The following STK32B variants were observed in gnomAD, a reference collection of about 807,000 sequenced individuals.
STK32B encodes serine/threonine kinase 32B.
Under a neutral mutation model 52.6 loss-of-function variants are expected in STK32B, and 43 were observed. The ratio of observed to expected loss-of-function variants is 0.82; its 90% confidence interval spans 0.64 to 1.05. The LOEUF (loss-of-function observed/expected upper bound fraction) is 1.05, where lower values mean the gene tolerates loss of function less well. Ranked by LOEUF, STK32B falls within the 50% of genes least tolerant of loss-of-function variation. The pLI is 0.00. For missense variants in STK32B, 621 were observed against 534.6 expected (o/e 1.16, Z -1.59); for synonymous variants, 238 against 204.3 (o/e 1.17, Z -1.41).
chr4:5,449,324 G>C (rs1300107935), intron 7 of STK32B, among the ~76,000 whole-genome samples: 1 of 152,182 alleles, frequency 6.6e-6, no homozygotes, highest in Non-Finnish European at 1.5e-5. Flanking sequence ...GCCTGGGTGT[G>C]ACAGAGCAAG....
At chr4:5,413,645 A>T (rs988583632) in intron 5 of STK32B, among the ~76,000 whole-genome samples, 8 of 152,246 alleles carry the variant, frequency 5.3e-5, no homozygotes, top group Non-Finnish European at 8.8e-5. Flanking sequence ...CTATAAACAA[A>T]GTCAAAACAC....
At chr4:5,134,403 C>G (rs6856163) in intron 1 of STK32B, among the ~76,000 whole-genome samples, 1 of 152,060 alleles carries the variant, frequency 6.6e-6, no homozygotes, top group Admixed American at 6.5e-5. Flanking sequence ...CCCTCTTGCT[C>G]CTTTGTTATC....
chr4:5,476,168 G>A (rs1246493407), intron 11 of STK32B, among the ~76,000 whole-genome samples: 1 of 152,042 alleles, frequency 6.6e-6, no homozygotes, highest in Non-Finnish European at 1.5e-5. Context: ...CCAAAGTGCT[G>A]GGATTACAGG....
At chr4:5,484,893 C>A (rs1560453167) in intron 11 of STK32B, among the ~76,000 whole-genome samples, 1 of 152,148 alleles carries the variant, frequency 6.6e-6, no homozygotes, top group Non-Finnish European at 1.5e-5. Context: ...AAATTCTTTT[C>A]TTTAAGAATG....
chr4:5,328,000 C>CT (rs1210556027), intron 3 of STK32B, among the ~76,000 whole-genome samples: 1 of 152,232 alleles, frequency 6.6e-6, no homozygotes, highest in East Asian at 1.9e-4. Flanking sequence ...TCACCTTGTG[C>CT]TTTTATGTTC....
intron 3 of STK32B, among the ~76,000 whole-genome samples, chr4:5,188,641 C>T (rs1720931206): frequency 6.6e-6 from 1 of 152,176 alleles, no homozygotes; most frequent in South Asian, 2.1e-4. Context: ...GTCCCTAACC[C>T]ACTTCCTGTG....
chr4:5,416,554 T>G (rs1712177551), intron 5 of STK32B, among the ~76,000 whole-genome samples: 1 of 152,190 alleles, frequency 6.6e-6, no homozygotes, highest in Non-Finnish European at 1.5e-5. Flanking sequence ...GTCTCAGTTA[T>G]TTCTAGGAGC....
chr4:5,426,274 A>T (rs1315282907), intron 6 of STK32B, among the ~76,000 whole-genome samples: 2 of 152,172 alleles, frequency 1.3e-5, no homozygotes, highest in Admixed American at 6.5e-5. Flanking sequence ...GTCATTAGGC[A>T]TTCTAATAGG....
intron 3 of STK32B, among the ~76,000 whole-genome samples, chr4:5,276,459 G>C (rs1378626106): frequency 6.6e-6 from 1 of 152,044 alleles, no homozygotes; most frequent in Non-Finnish European, 1.5e-5. Flanking sequence ...ACTTCTTGGG[G>C]CTATGACTTC....
intron 1 of STK32B, among the ~76,000 whole-genome samples, chr4:5,092,393 G>A (rs895667045): frequency 4.3e-4 from 65 of 152,116 alleles, no homozygotes; most frequent in African/African-American, 1.4e-3. Context: ...CTAGCCCAGC[G>A]TTGTGGTGGG....
chr4:5,324,827 T>C (rs1731766795), intron 3 of STK32B, among the ~76,000 whole-genome samples: 2 of 152,194 alleles, frequency 1.3e-5, no homozygotes, highest in African/African-American at 2.4e-5. Flanking sequence ...TGTGGGTCCA[T>C]CCAGGGACTT....
At chr4:5,477,834 G>T (rs1421101318) in intron 11 of STK32B, among the ~76,000 whole-genome samples, 1 of 152,172 alleles carries the variant, frequency 6.6e-6, no homozygotes, top group Non-Finnish European at 1.5e-5. Flanking sequence ...CCTGCCGTGT[G>T]CTGGGAACAG....
chr4:5,279,533 C>T (rs1440264713), intron 3 of STK32B, among the ~76,000 whole-genome samples: 1 of 152,300 alleles, frequency 6.6e-6, no homozygotes, highest in East Asian at 1.9e-4. Flanking sequence ...TCCAGGTACA[C>T]AGTGCAAGCT....
intron 7 of STK32B, among the ~76,000 whole-genome samples, chr4:5,454,679 G>A (rs1716342867): frequency 1.3e-5 from 2 of 152,152 alleles, no homozygotes; most frequent in African/African-American, 4.8e-5. Flanking sequence ...TTTCACCTCA[G>A]TGCCCAGCTC....
chr4:5,451,760 TC>T (rs1007588993), intron 7 of STK32B, among the ~76,000 whole-genome samples: 1 of 152,032 alleles, frequency 6.6e-6, no homozygotes, highest in Non-Finnish European at 1.5e-5. Context: ...GTTATGACAA[TC>T]CAAAATGACT....
chr4:5,339,127 C>T (rs2108966872), intron 4 of STK32B, among the ~76,000 whole-genome samples: 1 of 152,262 alleles, frequency 6.6e-6, no homozygotes, highest in East Asian at 1.9e-4. Context: ...GGCTTTCAGT[C>T]TTAGACTGGG....
chr4:5,429,971 A>AG (rs11444246), intron 6 of STK32B, among the ~76,000 whole-genome samples: 70,499 of 151,608 alleles, frequency 0.47, 17,208 homozygotes, highest in South Asian at 0.64. Flanking sequence ...GTTCCTCTGT[A>AG]GGTAACATGC....
At chr4:5,230,191 T>C (rs1285194467) in intron 3 of STK32B, among the ~76,000 whole-genome samples, 1 of 74,654 alleles carries the variant, frequency 1.3e-5, no homozygotes, top group Non-Finnish European at 2.8e-5. Flanking sequence ...TTTTTTTTTT[T>C]TTTTTTTTTT....
At chr4:5,312,252 G>A (rs997082633) in intron 3 of STK32B, among the ~76,000 whole-genome samples, 4 of 123,682 alleles carry the variant, frequency 3.2e-5, no homozygotes, top group Middle Eastern at 3.8e-3. Context: ...TACCGCTTAC[G>A]TTTAGTTTTT....
Sources: allele counts gnomAD v4.1 joint callset (sites outside exome capture counted in the v4.1 genomes callset), GRCh38; gene constraint gnomAD v4.1.1; transcripts MANE v1.5; gene names NCBI Gene and HGNC (gene_info 2026-07-23, HGNC 2026-07-21).